The following ADHFE1 variants were observed in gnomAD, a reference collection of about 807,000 sequenced individuals.
ADHFE1 encodes alcohol dehydrogenase iron containing 1, also known as hydroxyacid-oxoacid transhydrogenase, mitochondrial.
Under a neutral mutation model 54.8 loss-of-function variants are expected in ADHFE1, and 37 were observed. The ratio of observed to expected loss-of-function variants is 0.68; its 90% CI spans 0.52 to 0.89. The LOEUF is 0.89. Ranked by LOEUF, ADHFE1 falls within the 40% of genes least tolerant of loss-of-function variation. The pLI, the probability that ADHFE1 is intolerant of heterozygous loss-of-function variation, is 0.00. For synonymous variants in ADHFE1, 203 were observed against 229.3 expected, an observed-to-expected ratio of 0.89 and a Z score of 1.04; for missense variants, 601 against 591.2, an observed-to-expected ratio of 1.02 and a Z score of -0.17.
rs549254382 is a variant in ADHFE1 at position 66,444,356 on chromosome 8, A to AT, written c.145-4dup. ...ATACTCCCTACACCTAAACCTTTTT[A>AT]TTTTTTTCAGATGGCTGTTTCAAAT... On this transcript the variant is annotated splice_polypyrimidine_tract_variant and intron_variant, in intron 3 of 13. Coordinates refer to ENST00000396623, the MANE Select transcript of ADHFE1 (RefSeq NM_144650.3). The AT allele has an allele frequency of 1.9e-6, 3 of 1,613,810 alleles. No homozygotes were observed. The highest frequency in any genetic ancestry group is 2.2e-5 in the East Asian group (1 of 44,856).
At chr8:66,461,570 A>G (rs1806899915) in intron 13 of ADHFE1, among the ~76,000 whole-genome samples, 1 of 152,056 alleles carries the variant, frequency 6.6e-6, no homozygotes, top group South Asian at 2.1e-4. Context: ...GGAGCCAGGT[A>G]GAGAATAGCA....
intron 1 of ADHFE1, 68 bp downstream of exon 1, chr8:66,432,643 G>A (rs1472988109): frequency 5.6e-6 from 7 of 1,254,096 alleles, no homozygotes; most frequent in East Asian, 3.1e-5. Flanking sequence ...GGTGTGACCC[G>A]CTCAGATCCT....
intron 13 of ADHFE1, among the ~76,000 whole-genome samples, chr8:66,468,016 C>T (rs1458960251): frequency 3.3e-5 from 5 of 152,136 alleles, no homozygotes; most frequent in East Asian, 1.9e-4. Context: ...AGATTGGTTT[C>T]GGCAGAAGGC....
rs1197360875 is a variant in ADHFE1 at position 66,457,144 on chromosome 8, C to G, written c.1140C>G (p.His380Gln). The G allele has an allele frequency of 1.2e-6, 2 of 1,613,444 alleles. No homozygotes were observed. Among genetic ancestry groups the G allele is most frequent in the African/African-American group, 2.7e-5 (2 of 74,984 alleles). The change falls in exon 12 of 14, where the codon CAC (histidine) becomes CAG (glutamine). Residue 380 changes from histidine (H) to glutamine (Q), a missense_variant. Physicochemically the swap from His to Gln is conservative, Grantham distance 24 (BLOSUM62 0). Coordinates refer to ENST00000396623, the MANE Select transcript of ADHFE1 (RefSeq NM_144650.3). ...TFTAQMFPER[H>Q]LEMAEILGAD... ...CGGCCCAGATGTTTCCAGAGCGACA[C>G]CTGGAGATGGCAGAAATACTGGGTA...
chr8:66,444,534 G>T, intron 4 of ADHFE1, 60 bp from the exon 5 acceptor site: 1 of 1,609,342 alleles, frequency 6.2e-7, no homozygotes, highest in Non-Finnish European at 8.5e-7. Context: ...ACGTGAGTTT[G>T]CCAGAAGAGT....
At chr8:66,453,873 G>T in intron 9 of ADHFE1, 186 bp from the exon 10 acceptor site, 7 of 1,479,820 alleles carry the variant, frequency 4.7e-6, no homozygotes, top group East Asian at 2.6e-5. Flanking sequence ...AACAGTTGAT[G>T]AGAAATATGT....
chr8:66,456,781 CTG>C (rs768565955), intron 10 of ADHFE1, 34 bp from the exon 11 acceptor site: 2 of 1,504,718 alleles, frequency 1.3e-6, no homozygotes, highest in South Asian at 2.3e-5. Context: ...ATTTTGATAA[CTG>C]TGTATGAACA....
At chr8:66,436,526 G>C (rs1451695532) in intron 1 of ADHFE1, among the ~76,000 whole-genome samples, 1 of 152,104 alleles carries the variant, frequency 6.6e-6, no homozygotes, top group African/African-American at 2.4e-5. Flanking sequence ...CATTAGATGG[G>C]GATGGGGAAG....
At chr8:66,456,640 C>T (rs1806601161) in intron 10 of ADHFE1, among the ~76,000 whole-genome samples, 177 bp from the exon 11 acceptor site, 2 of 152,206 alleles carry the variant, frequency 1.3e-5, no homozygotes, top group South Asian at 4.1e-4. Context: ...AATGAATGCA[C>T]TACATGTCCT....
chr8:66,444,862 A>T, intron 5 of ADHFE1, 114 bp downstream of exon 5: 1 of 1,263,914 alleles, frequency 7.9e-7, no homozygotes. Context: ...GCACTTTGGG[A>T]GGCTGAGGCA....
chr8:66,432,784 C>A, intron 1 of ADHFE1: 1 of 1,229,438 alleles, frequency 8.1e-7, no homozygotes, highest in Non-Finnish European at 1.0e-6. Flanking sequence ...AGTGAGGCAG[C>A]CTTTACTCTG....
chr8:66,457,768 G>GTCTGTT (rs10524086), intron 12 of ADHFE1, among the ~76,000 whole-genome samples: 1 of 151,914 alleles, frequency 6.6e-6, no homozygotes, highest in East Asian at 1.9e-4. Context: ...AGAGTATTGA[G>GTCTGTT]AGTATTTGTA....
intron 7 of ADHFE1, among the ~76,000 whole-genome samples, chr8:66,448,453 A>G (rs1424456818): frequency 2.0e-5 from 3 of 152,192 alleles, no homozygotes; most frequent in Non-Finnish European, 4.4e-5. Flanking sequence ...CAGAGAGGCT[A>G]AGTGACTTGC....
At chr8:66,454,006 G>T (rs565883755) in intron 9 of ADHFE1, 53 bp from the exon 10 acceptor site, 1 of 1,597,914 alleles carries the variant, frequency 6.3e-7, no homozygotes, top group African/African-American at 1.3e-5. Flanking sequence ...TCCTTATTCT[G>T]TAGGAATTGC....
chr8:66,436,215 C>T (rs562146548), intron 1 of ADHFE1, among the ~76,000 whole-genome samples: 16 of 152,222 alleles, frequency 1.1e-4, no homozygotes, highest in African/African-American at 3.4e-4. Context: ...CTGTGCCCAG[C>T]CAGGATTCTT....
chr8:66,447,459 T>C (rs2130400517), intron 7 of ADHFE1, 118 bp downstream of exon 7: 2 of 834,488 alleles, frequency 2.4e-6, no homozygotes, highest in East Asian at 2.7e-5. Flanking sequence ...CAATATTCTA[T>C]AGAAGAGCAA....
intron 11 of ADHFE1, 32 bp from the exon 12 acceptor site, chr8:66,457,038 T>A: frequency 6.2e-7 from 1 of 1,601,784 alleles, no homozygotes. Context: ...AGCTTTGTCA[T>A]CTGCCGGTCA....
At chr8:66,454,947 A>C (rs1187145072) in intron 10 of ADHFE1, among the ~76,000 whole-genome samples, 1 of 151,838 alleles carries the variant, frequency 6.6e-6, no homozygotes, top group African/African-American at 2.4e-5. Flanking sequence ...CAAACTCCTG[A>C]CCTTAGTTAT....
intron 8 of ADHFE1, 98 bp downstream of exon 8, chr8:66,449,068 C>A: frequency 9.7e-7 from 1 of 1,031,060 alleles, no homozygotes; most frequent in Non-Finnish European, 1.5e-6. Flanking sequence ...TTGATTAGCA[C>A]CCCACAACAT....
Sources: allele counts gnomAD v4.1 joint callset (sites outside exome capture counted in the v4.1 genomes callset), GRCh38; gene constraint gnomAD v4.1.1; transcripts MANE v1.5; gene names NCBI Gene and HGNC (gene_info 2026-07-23, HGNC 2026-07-21).